Variants in ALMS1 observed in about 807,000 individuals in gnomAD.
ALMS1 encodes ALMS1 centrosome and basal body associated protein.
ALMS1 carries 271 observed loss-of-function variants against 352.2 expected under a neutral mutation model. The ratio of observed to expected loss-of-function variants is 0.77; its 90% CI spans 0.70 to 0.85. The LOEUF (loss-of-function observed/expected upper bound fraction) is 0.85, where lower values mean the gene tolerates loss of function less well. Ranked by LOEUF, ALMS1 falls within the 40% of genes least tolerant of loss-of-function variation. The pLI is 0.00. For missense variants in ALMS1, 5,445 were observed against 4,870.7 expected (o/e 1.12, Z -3.51); for synonymous variants, 1,865 against 1,761.2 (o/e 1.06, Z -1.48).
At chr2:73,548,255 G>C (rs1216343204) in intron 12 of ALMS1, among the ~76,000 whole-genome samples, 2 of 152,174 alleles carry the variant, frequency 1.3e-5, no homozygotes, top group Admixed American at 6.5e-5. Context: ...AGATGGGCAT[G>C]AATATTCCAG....
intron 9 of ALMS1, among the ~76,000 whole-genome samples, chr2:73,482,520 G>A (rs1672732800): frequency 1.3e-5 from 2 of 152,290 alleles, no homozygotes; most frequent in East Asian, 3.9e-4. Flanking sequence ...GTTCATCAAG[G>A]ATATTGGTCT....
intron 1 of ALMS1, among the ~76,000 whole-genome samples, chr2:73,391,526 C>T (rs1051275393): frequency 6.6e-6 from 1 of 152,008 alleles, no homozygotes; most frequent in African/African-American, 2.4e-5. Context: ...ATCTCCTGAC[C>T]TCGTGATACA....
intron 6 of ALMS1, among the ~76,000 whole-genome samples, chr2:73,430,181 A>G (rs1170946583): frequency 6.7e-6 from 1 of 149,762 alleles, no homozygotes; most frequent in East Asian, 2.0e-4. Context: ...GGTTCACACC[A>G]TTCTCCTGCC....
At chr2:73,592,766 A>G (rs1675459031) in intron 16 of ALMS1, among the ~76,000 whole-genome samples, 1 of 152,136 alleles carries the variant, frequency 6.6e-6, no homozygotes, top group African/African-American at 2.4e-5. Context: ...TTTTATTTCT[A>G]GGTCTGTCTC....
rs201654702 is a variant in ALMS1, at chr2:73,455,198, G to A, written c.7577G>A (p.Gly2526Glu). ...AAGTTCAATTTAGCACATGATTGTG[G>A]ATACTCCATTTCAGAATTAAATGAA... ...NMKFNLAHDCGYSISELNEDD... is the reference protein window; with the variant it reads ...NMKFNLAHDCEYSISELNEDD... The change falls in exon 9 of 23, where the codon GGA (glycine) becomes GAA (glutamate). Residue 2526 changes from glycine to glutamate, a missense_variant. Gly to Glu is a moderately conservative substitution (Grantham distance 98). Transcript: ENST00000613296. The A allele has an allele frequency of 6.8e-6, 11 of 1,613,866 alleles. No homozygotes were observed. The highest frequency in any genetic ancestry group is 2.7e-5 in the African/African-American group (2 of 74,908).
At chr2:73,484,983 T>G (rs1672796258) in intron 9 of ALMS1, among the ~76,000 whole-genome samples, 1 of 152,134 alleles carries the variant, frequency 6.6e-6, no homozygotes, top group South Asian at 2.1e-4. Context: ...CTTCTAAATT[T>G]TTTTCAAAGT....
chr2:73,391,069 C>T (rs528732301), intron 1 of ALMS1, among the ~76,000 whole-genome samples: 20 of 152,042 alleles, frequency 1.3e-4, no homozygotes, highest in Admixed American at 2.6e-4. Flanking sequence ...CCACTGCGCC[C>T]GGCCCAACAG....
chr2:73,572,582 G>A lies in ALMS1; in HGVS notation c.10705G>A (p.Asp3569Asn), dbSNP rs1341442075. 1.2e-6 allele frequency: 2 copies of A among 1,613,892 alleles called. No individual in the cohort carries two copies. The highest frequency in any genetic ancestry group is 1.7e-6 in the Non-Finnish European group (2 of 1,179,980). ...VMDTTKSQVR[D>N]YPKHNGQISD... ...GGATACTACTAAAAGTCAAGTTAGA[G>A]ATTATCCAAAACATAATGGACAAAT... The change falls in exon 16 of 23, where the codon GAT becomes AAT. Residue 3569 changes from aspartate to asparagine, a missense_variant. By Grantham distance (23) the Asp-to-Asn change is conservative. Transcript: ENST00000613296.
chr2:73,596,860 C>CTTTTTTTTTTTTTTTTTTTTTTTTTTT (rs70965740), intron 16 of ALMS1, among the ~76,000 whole-genome samples: 23 of 104,236 alleles, frequency 2.2e-4, no homozygotes, highest in Middle Eastern at 8.2e-3. Flanking sequence ...CCCTCTACCT[C>CTTTTTTTTTTTTTTTTTTTTTTTTTTT]TTTTTTTTTT....
At chr2:73,594,915 C>G (rs1394940525) in intron 16 of ALMS1, among the ~76,000 whole-genome samples, 2 of 152,132 alleles carry the variant, frequency 1.3e-5, no homozygotes, top group East Asian at 3.8e-4. Context: ...ATATGTCCCT[C>G]TCAGCTAAGC....
At chr2:73,488,152 TGCCATCTAC>T (rs1672895017) in intron 9 of ALMS1, among the ~76,000 whole-genome samples, 1 of 151,904 alleles carries the variant, frequency 6.6e-6, no homozygotes, top group African/African-American at 2.4e-5. Flanking sequence ...CTGCCATCTC[TGCCATCTAC>T]GGTACCCATG....
intron 7 of ALMS1, 61 bp downstream of exon 7, chr2:73,432,352 T>A: frequency 8.3e-7 from 1 of 1,199,846 alleles, no homozygotes. Flanking sequence ...AAAAATATCT[T>A]GTTAGGTCTA....
In ALMS1 at chr2:73,449,458, A is replaced by G. The variant is rs1289337327; in HGVS notation, c.2931A>G (p.Glu977=). ...QELPDSDLPR[E]SLKMSAIPGL... is the part of the protein sequence containing the mutation. ...TGCCAGACAGTGATCTACCTAGAGA[A>G]TCTCTGAAAATGTCTGCTATTCCTG... is the stretch of plus-strand genomic sequence containing the variant. The change falls in exon 8 of 23, where the codon GAA becomes GAG. Residue 977 remains glutamate (E), a synonymous_variant. Transcript: ENST00000613296. 1 of 1,614,038 alleles carries G rather than the reference A, an allele frequency of 6.2e-7. No homozygotes were observed. Among genetic ancestry groups the G allele is most frequent in the Non-Finnish European group, 8.5e-7 (1 of 1,179,972 alleles).
chr2:73,516,012 C>T (rs538414372), intron 10 of ALMS1, among the ~76,000 whole-genome samples: 11 of 152,134 alleles, frequency 7.2e-5, no homozygotes, highest in South Asian at 6.2e-4. Flanking sequence ...AAATGAACAA[C>T]GTACAGAATG....
In ALMS1 at chr2:73,424,446, T is replaced by C. The variant is rs778313877; in HGVS notation, c.781T>C (p.Ser261Pro). The C allele has an allele frequency of 2.5e-6, 4 of 1,589,258 alleles. No homozygotes were observed. The South Asian group carries it at 4.8e-5, about 19-fold the overall frequency. Residue 261 changes from serine (S) to proline (P), a missense_variant, in exon 5 of 23, where the codon TCT becomes CCT. Ser to Pro is a moderately conservative substitution (Grantham distance 74). Coordinates refer to ENST00000613296, the MANE Select transcript of ALMS1 (RefSeq NM_001378454.1). ...FAPLRGIPDK[S>P]EDTEWSSRPS... ...TATTTTCAGGGGAATTCCTGATAAG[T>C]CTGAAGATACTGAATGGTCTTCTCG...
intron 9 of ALMS1, among the ~76,000 whole-genome samples, chr2:73,460,387 T>G (rs1389765288): frequency 6.6e-6 from 1 of 152,194 alleles, no homozygotes. Context: ...AAAATCTGTT[T>G]TAAGAATGTG....
intron 3 of ALMS1, among the ~76,000 whole-genome samples, chr2:73,421,879 A>G (rs559161716): frequency 8.7e-4 from 132 of 152,290 alleles, no homozygotes; most frequent in African/African-American, 2.7e-3. Flanking sequence ...ACAGTGTTGC[A>G]GGCATTCTGA....
At chr2:73,504,725 A>G (rs1673285238) in intron 10 of ALMS1, among the ~76,000 whole-genome samples, 2 of 151,812 alleles carry the variant, frequency 1.3e-5, no homozygotes, top group South Asian at 4.2e-4. Flanking sequence ...GCTGTTATGA[A>G]CATTCATGTA....
intron 10 of ALMS1, among the ~76,000 whole-genome samples, chr2:73,506,261 G>T (rs543558666): frequency 6.6e-6 from 1 of 152,128 alleles, no homozygotes; most frequent in Non-Finnish European, 1.5e-5. Context: ...GGATTGTTGT[G>T]GCTATACGGG....
Sources: allele counts gnomAD v4.1 joint callset (sites outside exome capture counted in the v4.1 genomes callset), GRCh38; gene constraint gnomAD v4.1.1; transcripts MANE v1.5; gene names NCBI Gene and HGNC (gene_info 2026-07-23, HGNC 2026-07-21).